The following GABRG3 variants were observed in gnomAD, a reference collection of about 807,000 sequenced individuals.
The protein encoded by GABRG3 is gamma-aminobutyric acid receptor subunit gamma-3.
Under a neutral mutation model 48.8 loss-of-function variants are expected in GABRG3, and 25 were observed. That is an observed-to-expected ratio of 0.51 (90% CI 0.37 to 0.72). The LOEUF is 0.72. Ranked by LOEUF, GABRG3 falls within the 30% of genes least tolerant of loss-of-function variation. The pLI is 0.00. For missense variants in GABRG3, 394 were observed against 577.9 expected (o/e 0.68, Z 3.26); for synonymous variants, 227 against 217.6 (o/e 1.04, Z -0.38).
At chr15:27,143,087 T>G (rs2140390998) in intron 3 of GABRG3, among the ~76,000 whole-genome samples, 1 of 152,284 alleles carries the variant, frequency 6.6e-6, no homozygotes, top group East Asian at 1.9e-4. Flanking sequence ...TATTTATTTA[T>G]TTATTTTACA....
intron 3 of GABRG3, among the ~76,000 whole-genome samples, chr15:27,142,732 C>A (rs1184718034): frequency 6.6e-6 from 1 of 151,982 alleles, no homozygotes; most frequent in Non-Finnish European, 1.5e-5. Context: ...TCACTTTATC[C>A]CTTCATGTTG....
chr15:27,072,584 C>A (rs1419105140), intron 3 of GABRG3, among the ~76,000 whole-genome samples: 1 of 152,156 alleles, frequency 6.6e-6, no homozygotes, highest in Non-Finnish European at 1.5e-5. Context: ...TGACACCAGT[C>A]CATTTCTTGC....
chr15:26,985,276 A>G (rs1895130412), intron 2 of GABRG3, among the ~76,000 whole-genome samples: 1 of 152,106 alleles, frequency 6.6e-6, no homozygotes, highest in Non-Finnish European at 1.5e-5. Flanking sequence ...GACACCGGGC[A>G]CTGACTCAGG....
chr15:27,206,870 C>T (rs550983565), intron 3 of GABRG3, among the ~76,000 whole-genome samples: 223 of 152,094 alleles, frequency 1.5e-3, no homozygotes, highest in South Asian at 9.4e-3. Context: ...GAATAGCAAC[C>T]GGTGCTCTTT....
chr15:27,020,739 G>A (rs1194291953), intron 2 of GABRG3, among the ~76,000 whole-genome samples: 1 of 152,060 alleles, frequency 6.6e-6, no homozygotes, highest in Non-Finnish European at 1.5e-5. Context: ...TCTCTCGCTT[G>A]TTTTTGAATG....
chr15:27,241,624 C>T (rs1211305708), intron 3 of GABRG3, among the ~76,000 whole-genome samples: 1 of 152,212 alleles, frequency 6.6e-6, no homozygotes, highest in African/African-American at 2.4e-5. Context: ...TAAAAATTCA[C>T]TTTCCATTTA....
At chr15:27,070,322 C>T (rs1016544918) in intron 3 of GABRG3, among the ~76,000 whole-genome samples, 1 of 152,222 alleles carries the variant, frequency 6.6e-6, no homozygotes, top group Non-Finnish European at 1.5e-5. Context: ...TGTTCTGGAA[C>T]ATTATCAAGA....
intron 3 of GABRG3, among the ~76,000 whole-genome samples, chr15:27,068,761 G>A (rs1485558359): frequency 6.6e-6 from 1 of 152,208 alleles, no homozygotes; most frequent in Non-Finnish European, 1.5e-5. Flanking sequence ...CAGTTGCAAA[G>A]AGAAAGACTG....
At chr15:27,489,487 C>G (rs1409571591) in intron 6 of GABRG3, among the ~76,000 whole-genome samples, 1 of 152,180 alleles carries the variant, frequency 6.6e-6, no homozygotes, top group Admixed American at 6.5e-5. Context: ...ATTTACACTC[C>G]CACCAATAGT....
At chr15:27,365,871 G>C (rs1171083070) in intron 5 of GABRG3, 7 of 152,186 alleles carry the variant, frequency 4.6e-5, no homozygotes. Context: ...TACTGTGAAA[G>C]ACAGTAGCAT....
chr15:27,250,821 G>C (rs988066944), intron 3 of GABRG3, among the ~76,000 whole-genome samples: 5 of 152,182 alleles, frequency 3.3e-5, no homozygotes, highest in Non-Finnish European at 7.3e-5. Flanking sequence ...AGAGTGCAGA[G>C]GCTGAGGCCA....
chr15:27,248,831 G>GAGAGAGAA lies in GABRG3; in HGVS notation c.271-77973_271-77972insGAAAGAGA, dbSNP rs1555412455. 7.6e-3 allele frequency among the ~76,000 whole-genome samples: 979 copies of GAGAGAGAA among 128,768 alleles called. 1 individual carries two copies. Among genetic ancestry groups the GAGAGAGAA allele is most frequent in the South Asian group, 0.01 (39 of 3,858 alleles). The allele number at this position is 128,768 out of a possible 152,430, so 84.5% of individuals were successfully genotyped here. On this transcript the variant is annotated intron_variant, in intron 3 of 9. Transcript: ENST00000615808. Reference sequence around the variant, plus strand: ...AGAGAGAGAGAGAGAGAGAGAGAGAGAGAGACAGAGAGAAGCTGCTGTGGC... The same window carrying GAGAGAGAA: ...AGAGAGAGAGAGAGAGAGAGAGAGAGAGAGAGAAAGAGACAGAGAGAAGCTGCTGTGGC...
At chr15:27,303,114 AAAT>A (rs1237191316) in intron 3 of GABRG3, among the ~76,000 whole-genome samples, 2 of 151,830 alleles carry the variant, frequency 1.3e-5, no homozygotes, top group Non-Finnish European at 2.9e-5. Flanking sequence ...CAAATTAAGG[AAAT>A]AATAAAGTAA....
intron 5 of GABRG3, among the ~76,000 whole-genome samples, chr15:27,436,995 TAG>T (rs10549691): frequency 0.041 from 5,360 of 130,386 alleles, 218 homozygotes; most frequent in African/African-American, 0.11. Flanking sequence ...CTCCGAAAAA[TAG>T]AGAGAGAGAG....
intron 6 of GABRG3, among the ~76,000 whole-genome samples, chr15:27,518,195 C>CAAAAAAAA (rs58222645): frequency 0.017 from 1,459 of 87,634 alleles, 1 homozygote; most frequent in East Asian, 0.023. Flanking sequence ...ACTAAAAATA[C>CAAAAAAAA]AAAAAAAAAA....
chr15:27,024,950 G>A (rs1315398086), intron 2 of GABRG3, among the ~76,000 whole-genome samples: 2 of 151,312 alleles, frequency 1.3e-5, no homozygotes, highest in Non-Finnish European at 2.9e-5. Flanking sequence ...CGCTTGAACC[G>A]GGAGGCAGAG....
intron 5 of GABRG3, among the ~76,000 whole-genome samples, chr15:27,441,909 AC>A (rs1191066166): frequency 4.6e-5 from 7 of 152,202 alleles, no homozygotes; most frequent in African/African-American, 1.4e-4. Context: ...GATTACTCGC[AC>A]CAGCTGTGAA....
At chr15:27,257,929 C>T (rs934356687) in intron 3 of GABRG3, among the ~76,000 whole-genome samples, 4 of 129,264 alleles carry the variant, frequency 3.1e-5, no homozygotes, top group Non-Finnish European at 5.1e-5. Context: ...GTGTTATAGA[C>T]GTGAGCCTTG....
intron 3 of GABRG3, among the ~76,000 whole-genome samples, chr15:27,254,365 G>T (rs79100347): frequency 6.6e-6 from 1 of 152,084 alleles, no homozygotes; most frequent in African/African-American, 2.4e-5. Flanking sequence ...GAGGGTTCTC[G>T]CCTGTTCTTC....
Sources: allele counts gnomAD v4.1 joint callset (sites outside exome capture counted in the v4.1 genomes callset), GRCh38; gene constraint gnomAD v4.1.1; transcripts MANE v1.5; gene names NCBI Gene and HGNC (gene_info 2026-07-23, HGNC 2026-07-21).